Variants in PARD6B observed in about 807,000 individuals in gnomAD.
PARD6B encodes partitioning defective 6 homolog beta.
A neutral mutation model predicts 10.5 loss-of-function variants in PARD6B; 4 were observed. The observed-to-expected ratio is 0.38, with a 90% CI of 0.19 to 0.87. The LOEUF (loss-of-function observed/expected upper bound fraction) is 0.87. PARD6B is among the 40% of genes least tolerant of loss of function. PARD6B has a pLI of 0.41. For missense variants in PARD6B, 396 were observed against 470.6 expected (o/e 0.84, Z 1.47); for synonymous variants, 169 against 170.4 (o/e 0.99, Z 0.07).
chr20:50,739,255 T>C (rs2087516547), intron 2 of PARD6B, among the ~76,000 whole-genome samples: 3 of 151,964 alleles, frequency 2.0e-5, no homozygotes, highest in Non-Finnish European at 4.4e-5. Flanking sequence ...ATGACTAGCA[T>C]GGCTAACATG....
chr20:50,732,316 A>T (rs1438146608), intron 1 of PARD6B, among the ~76,000 whole-genome samples: 1 of 152,186 alleles, frequency 6.6e-6, no homozygotes, highest in African/African-American at 2.4e-5. Flanking sequence ...ACAGCCCTTT[A>T]AAAGTTCGCT....
rs950499746 is a variant in PARD6B, at chr20:50,751,646, G to A, written c.*1158G>A. 7 of 984,020 alleles carry A rather than the reference G, an allele frequency of 7.1e-6. No homozygotes were observed. Among genetic ancestry groups the A allele is most frequent in the Non-Finnish European group, 8.4e-6 (7 of 829,778 alleles). 61.0% of individuals were successfully genotyped at this position (984,020 alleles called of 1,614,324 possible). A position where few individuals can be genotyped will look rare whatever the true frequency, so the allele number is the denominator to read the frequency against. On this transcript the variant is annotated 3_prime_UTR_variant, in exon 3 of 3. Coordinates refer to ENST00000371610, the MANE Select transcript of PARD6B (RefSeq NM_032521.3). ...CAGGCGTGAGCCACCGCGCCCAGTT[G>A]TGCATTTCTGGTTTCTAAGAATCAA...
chr20:50,732,600 C>G (rs556812607), intron 1 of PARD6B, among the ~76,000 whole-genome samples: 2 of 152,252 alleles, frequency 1.3e-5, no homozygotes, highest in East Asian at 3.9e-4. Context: ...GGAATGCCTT[C>G]CAAAGGGGGT....
At chr20:50,738,385 C>T (rs977002620) in intron 2 of PARD6B, among the ~76,000 whole-genome samples, 1 of 152,206 alleles carries the variant, frequency 6.6e-6, no homozygotes, top group African/African-American at 2.4e-5. Context: ...TGAATCTTCA[C>T]TTTATCAAAT....
In PARD6B at chr20:50,750,858, G is replaced by A. The variant is rs2087601192; in HGVS notation, c.*370G>A. 2.0e-6 allele frequency: 2 copies of A among 996,696 alleles called. No individual in the cohort carries two copies. Among genetic ancestry groups the A allele is most frequent in the Non-Finnish European group, 2.4e-6 (2 of 837,574 alleles). 61.7% of individuals were successfully genotyped at this position (996,696 alleles called of 1,614,324 possible). On this transcript the variant is annotated 3_prime_UTR_variant, in exon 3 of 3. Transcript: ENST00000371610. Reference sequence around the variant, plus strand: ...AGCCCAGTTAATTTTTCCTTTAACTGTATTTTTAAAATTCTAATGTGAAGT... The same window carrying A: ...AGCCCAGTTAATTTTTCCTTTAACTATATTTTTAAAATTCTAATGTGAAGT...
chr20:50,749,807 A>G lies in PARD6B; in HGVS notation c.438A>G (p.Ile146Met). ...PQDFRPVSSI[I>M]DVDILPETHR... ...ACTTTAGACCTGTGTCTTCTATTAT[A>G]GACGTGGATATTCTCCCAGAAACGC... The change falls in exon 3 of 3, where the codon ATA becomes ATG. Residue 146 changes from isoleucine to methionine, a missense_variant. Physicochemically the swap from Ile to Met is conservative, Grantham distance 10 (BLOSUM62 1). Coordinates refer to ENST00000371610, the MANE Select transcript of PARD6B (RefSeq NM_032521.3). 1.2e-6 allele frequency: 2 copies of G among 1,614,204 alleles called. No individual in the cohort carries two copies. The highest frequency in any genetic ancestry group is 1.7e-6 in the Non-Finnish European group (2 of 1,180,038).
rs1238465564 is a variant in PARD6B, at chr20:50,753,224, T to G, written c.*2736T>G. The G allele has an allele frequency of 3.0e-6, 3 of 985,120 alleles. No individual in the cohort carries two copies. The highest frequency in any genetic ancestry group is 1.7e-5 in the African/African-American group (1 of 57,228). The allele number at this position is 985,120 out of a possible 1,614,324, so 61.0% of individuals were successfully genotyped here. A position where few individuals can be genotyped will look rare whatever the true frequency, so the allele number is the denominator to read the frequency against. On this transcript the variant is annotated 3_prime_UTR_variant, in exon 3 of 3. Transcript: ENST00000371610. ...ATCAAAGCTGCTATTGCTTTTTATT[T>G]TAATTATCCTGTTAAGGGTATCTAT... is the stretch of plus-strand genomic sequence containing the variant.
At chr20:50,740,138 A>C (rs1163420040) in intron 2 of PARD6B, among the ~76,000 whole-genome samples, 2 of 152,254 alleles carry the variant, frequency 1.3e-5, no homozygotes, top group South Asian at 4.1e-4. Flanking sequence ...AGAAATCCAA[A>C]AACTAGTTAG....
rs1239854950 is a variant in PARD6B, at chr20:50,731,797, G to A, written c.11G>A (p.Ser4Asn). The A allele has an allele frequency of 6.8e-7, 1 of 1,463,056 alleles. No homozygotes were observed. The highest frequency in any genetic ancestry group is 9.0e-7 in the Non-Finnish European group (1 of 1,113,366). 90.6% of individuals were successfully genotyped at this position (1,463,056 alleles called of 1,614,324 possible). A position where few individuals can be genotyped will look rare whatever the true frequency, so the allele number is the denominator to read the frequency against. Residue 4 changes from serine to asparagine, a missense_variant, in exon 1 of 3, where the codon AGC (serine) becomes AAC (asparagine). By Grantham distance (46) the Ser-to-Asn change is conservative. This residue lies in a region of PARD6B where 208 missense variants were observed against 300.9 expected (regional missense o/e 0.69). Transcript: ENST00000371610. ...GGCTCGGCGTTCAGCATGAACCGCA[G>A]CCACCGGCACGGGGCGGGCAGCGGC... MNR[S>N]HRHGAGSGCL...
At chr20:50,741,797 C>T (rs555425653) in intron 2 of PARD6B, among the ~76,000 whole-genome samples, 9 of 152,042 alleles carry the variant, frequency 5.9e-5, no homozygotes, top group African/African-American at 1.4e-4. Context: ...CCGCCCGTCT[C>T]GGCCTCCCAA....
rs1005875909 is a variant in PARD6B at position 50,752,147 on chromosome 20, G to A, written c.*1659G>A. The A allele has an allele frequency of 1.2e-5, 12 of 985,422 alleles. No homozygotes were observed. The Admixed American group carries it at 1.8e-4, about 15-fold the overall frequency. The allele number at this position is 985,422 out of a possible 1,614,324, so 61.0% of individuals were successfully genotyped here. On this transcript the variant is annotated 3_prime_UTR_variant, in exon 3 of 3. Coordinates refer to ENST00000371610, the MANE Select transcript of PARD6B (RefSeq NM_032521.3). ...TTCTCTTGACTTTGGAAATATGGAA[G>A]TCTCTCCTTTAACCTATTCTTGTTC... is the stretch of plus-strand genomic sequence containing the variant.
rs1371726652 is a variant in PARD6B at position 50,752,595 on chromosome 20, A to G, written c.*2107A>G. 2.0e-6 allele frequency: 2 copies of G among 983,110 alleles called. No homozygotes were observed. The highest frequency in any genetic ancestry group is 2.4e-6 in the Non-Finnish European group (2 of 827,472). The allele number at this position is 983,110 out of a possible 1,614,324, so 60.9% of individuals were successfully genotyped here. On this transcript the variant is annotated 3_prime_UTR_variant, in exon 3 of 3. Coordinates refer to ENST00000371610, the MANE Select transcript of PARD6B (RefSeq NM_032521.3). ...AGAAACTAAAAATACTATGAAGTAC[A>G]TAAGTTCCCTATGGCTTATGGAGAG...
At chr20:50,749,600 G>T (rs566853493) in intron 2 of PARD6B, 59 bp from the exon 3 acceptor site, 1 of 1,377,498 alleles carries the variant, frequency 7.3e-7, no homozygotes, top group South Asian at 1.5e-5. Context: ...AGATTCAGCT[G>T]CAAGTGAATA....
intron 2 of PARD6B, among the ~76,000 whole-genome samples, chr20:50,746,185 T>C (rs1318434590): frequency 1.3e-5 from 2 of 152,130 alleles, no homozygotes; most frequent in East Asian, 1.9e-4. Flanking sequence ...TATGACCCTC[T>C]ATGAGCAAAG....
In PARD6B at chr20:50,753,644, G is replaced by C. The variant is rs576889547; in HGVS notation, c.*3156G>C. On this transcript the variant is annotated 3_prime_UTR_variant, in exon 3 of 3. Coordinates refer to ENST00000371610, the MANE Select transcript of PARD6B (RefSeq NM_032521.3). Reference sequence around the variant, plus strand: ...TATTTTACTACAATTTTATTATAAAGTGTACATTATCACTAAATGAACTTC... The same window carrying C: ...TATTTTACTACAATTTTATTATAAACTGTACATTATCACTAAATGAACTTC... The C allele has an allele frequency of 3.8e-6, 3 of 781,504 alleles. No individual in the cohort carries two copies. The highest frequency in any genetic ancestry group is 6.3e-5 in the Admixed American group (1 of 15,974). The allele number at this position is 781,504 out of a possible 1,614,324, so 48.4% of individuals were successfully genotyped here. A position where few individuals can be genotyped will look rare whatever the true frequency, so the allele number is the denominator to read the frequency against.
Position 50,751,119 on chromosome 20 carries a change from A to C in PARD6B, c.*631A>C, listed in dbSNP as rs1313967674. Reference sequence around the variant, plus strand: ...TGAGTAGCTGGGACCATAGGCACATACCACCACATCTGTCTACTTTTTGTA... The same window carrying C: ...TGAGTAGCTGGGACCATAGGCACATCCCACCACATCTGTCTACTTTTTGTA... On this transcript the variant is annotated 3_prime_UTR_variant, in exon 3 of 3. Coordinates refer to ENST00000371610, the MANE Select transcript of PARD6B (RefSeq NM_032521.3). The C allele has an allele frequency of 2.3e-5, 12 of 515,700 alleles. No homozygotes were observed. The highest frequency in any genetic ancestry group is 2.7e-5 in the Non-Finnish European group (11 of 402,364). 31.9% of individuals were successfully genotyped at this position (515,700 alleles called of 1,614,324 possible).
At chr20:50,745,996 T>C (rs1022202308) in intron 2 of PARD6B, among the ~76,000 whole-genome samples, 3 of 152,216 alleles carry the variant, frequency 2.0e-5, no homozygotes, top group African/African-American at 7.2e-5. Context: ...TCTTGAACTT[T>C]GTTGATGGCT....
intron 2 of PARD6B, among the ~76,000 whole-genome samples, chr20:50,747,251 A>G (rs1211757805): frequency 2.6e-5 from 4 of 152,180 alleles, no homozygotes; most frequent in Non-Finnish European, 5.9e-5. Context: ...TGTGTAACTT[A>G]CGTTGTACCC....
chr20:50,738,128 T>C (rs745552304), intron 2 of PARD6B, 49 bp downstream of exon 2: 19 of 1,379,718 alleles, frequency 1.4e-5, no homozygotes, highest in Admixed American at 4.6e-5. Flanking sequence ...AAATAGTGTA[T>C]TTTCCCCACT....
Sources: gnomAD v4.1 joint callset for allele counts (sites outside exome capture counted in the v4.1 genomes callset) on GRCh38, gnomAD v4.1.1 for gene constraint, gnomAD v4.1.1 regional missense constraint, MANE v1.5 for transcripts, NCBI Gene and HGNC (gene_info 2026-07-23, HGNC 2026-07-21) for gene names.